Variants in EMC3 observed in about 807,000 individuals in gnomAD.
EMC3 encodes 30 kDa protein.
EMC3 carries 13 observed loss-of-function variants against 36.6 expected under a neutral mutation model. That is an observed-to-expected ratio of 0.35 (90% CI 0.23 to 0.56). The LOEUF is 0.56. Among genes scored for constraint, EMC3 ranks in the 20% least tolerant of loss-of-function variants. The pLI is 0.84. For missense variants in EMC3, 220 were observed against 324.5 expected, an observed-to-expected ratio of 0.68 and a Z score of 2.47; for synonymous variants, 120 against 111.9, an observed-to-expected ratio of 1.07 and a Z score of -0.46.
chr3:10,000,284 C>T lies in EMC3; in HGVS notation c.-242+10739G>A, dbSNP rs184412705. Among the ~76,000 whole-genome samples the T allele has an allele frequency of 3.6e-3, 542 of 152,260 alleles. 12 individuals are homozygous for T. The South Asian group carries it at 0.047, about 13-fold the overall frequency. On this transcript the variant is annotated intron_variant, in intron 1 of 8. Coordinates refer to the EMC3 transcript ENST00000470827. The stretch of plus-strand genomic sequence containing the variant: ...CGAACTCCTGAACTCAAGTGAACCA[C>T]CCGCCTCGGCCTCCCAAAGTGCTAG...
chr3:10,007,276 C>T (rs1575707849), intron 1 of EMC3: 8 of 1,246,094 alleles, frequency 6.4e-6, no homozygotes, highest in Non-Finnish European at 8.3e-6. Flanking sequence ...CTTCCCCACA[C>T]TCACACTACC....
intron 1 of EMC3, among the ~76,000 whole-genome samples, chr3:9,984,085 T>C (rs923556655): frequency 6.6e-6 from 1 of 152,088 alleles, no homozygotes; most frequent in Non-Finnish European, 1.5e-5. Context: ...ATACACTTTT[T>C]TTTTTTTTTT....
chr3:9,987,921 C>T (rs1269247177), upstream of EMC3: 11 of 1,028,038 alleles, frequency 1.1e-5, no homozygotes, highest in Middle Eastern at 2.1e-4. Flanking sequence ...CTCTGAGCTT[C>T]GGGAGAAGTT....
chr3:9,988,445 T>C (rs1057336419), upstream of EMC3: 32 of 1,359,526 alleles, frequency 2.4e-5, no homozygotes, highest in Non-Finnish European at 3.3e-5. Flanking sequence ...AGCTATTAGA[T>C]ATGAGAAAAC....
intron 1 of EMC3, among the ~76,000 whole-genome samples, chr3:9,984,748 G>C (rs2085951667): frequency 6.6e-6 from 1 of 152,130 alleles, no homozygotes; most frequent in Non-Finnish European, 1.5e-5. Context: ...GGTCAGTTCT[G>C]AAACTAATGC....
intron 1 of EMC3, among the ~76,000 whole-genome samples, chr3:9,998,159 G>T (rs2086150611): frequency 6.6e-6 from 1 of 151,886 alleles, no homozygotes; most frequent in Non-Finnish European, 1.5e-5. Context: ...GAGGTCAGGA[G>T]ATTGAGACCA....
intron 7 of EMC3, chr3:9,968,924 G>A (rs932134857): frequency 4.0e-5 from 6 of 151,550 alleles, no homozygotes; most frequent in African/African-American, 1.5e-4. Context: ...CTGAGTTCAA[G>A]CAATTCTGTC....
At position 9,996,048 on chromosome 3, in the gene EMC3, T is replaced by C. The variant is rs181130663; in HGVS notation, c.-241-9146A>G. Among the ~76,000 whole-genome samples the C allele has an allele frequency of 2.8e-3, 419 of 152,338 alleles. 2 individuals are homozygous for C. The highest frequency in any genetic ancestry group is 9.6e-3 in the African/African-American group (401 of 41,578). On this transcript the variant is annotated intron_variant, in intron 1 of 8. Transcript: ENST00000470827. Reference sequence around the variant, plus strand: ...GGGTAGAGATGGGTCTGTGGTCAGCTAACCATGAAACTGTTCAGGTTCTGA... The same window carrying C: ...GGGTAGAGATGGGTCTGTGGTCAGCCAACCATGAAACTGTTCAGGTTCTGA...
intron 1 of EMC3, among the ~76,000 whole-genome samples, chr3:10,005,700 G>A (rs2086255065): frequency 1.3e-5 from 2 of 152,132 alleles, no homozygotes; most frequent in Admixed American, 6.5e-5. Flanking sequence ...GATACCATAC[G>A]AAGAGCCACT....
intron 5 of EMC3, among the ~76,000 whole-genome samples, chr3:9,971,618 G>A (rs1026327569): frequency 6.6e-6 from 1 of 152,156 alleles, no homozygotes; most frequent in Admixed American, 6.5e-5. Flanking sequence ...ATGCCTCTCT[G>A]GATGCTGAGA....
rs1448350735 is a variant in EMC3, at chr3:9,963,450, G to GATATATATATATATATATAT, written c.*618_*619insATATATATATATATATATAT. The GATATATATATATATATATAT allele has an allele frequency of 1.3e-5, 1 of 77,650 alleles. No homozygotes were observed. Among genetic ancestry groups the GATATATATATATATATATAT allele is most frequent in the African/African-American group, 6.8e-5 (1 of 14,600 alleles). The allele number at this position is 77,650 out of a possible 1,614,324, so 4.8% of individuals were successfully genotyped here. A position where few individuals can be genotyped will look rare whatever the true frequency, so the allele number is the denominator to read the frequency against. ...CCTTCGAAGACTGGGCTTCTGCTAA[G>GATATATATATATATATATAT]ATAGATATATATATATATATATATA... On this transcript the variant is annotated 3_prime_UTR_variant, in exon 8 of 8. Transcript: ENST00000245046.
chr3:10,002,992 A>T (rs2086222848), intron 1 of EMC3: 1 of 455,920 alleles, frequency 2.2e-6, no homozygotes, highest in Non-Finnish European at 4.4e-6. Flanking sequence ...CTTCTTCTCC[A>T]CCCAGAGCAC....
intron 7 of EMC3, among the ~76,000 whole-genome samples, chr3:9,965,342 G>A (rs2085726321): frequency 6.6e-6 from 1 of 151,998 alleles, no homozygotes; most frequent in African/African-American, 2.4e-5. Flanking sequence ...GAATGCTTAA[G>A]TCCAGGAGTT....
intron 1 of EMC3, 75 bp from the exon 2 acceptor site, chr3:9,977,521 A>G: frequency 7.5e-7 from 1 of 1,333,884 alleles, no homozygotes; most frequent in Non-Finnish European, 1.1e-6. Flanking sequence ...CAAGTAGAAG[A>G]CCTATTTAAA....
chr3:9,997,643 C>T (rs982407750), intron 1 of EMC3, among the ~76,000 whole-genome samples: 8 of 151,722 alleles, frequency 5.3e-5, no homozygotes, highest in Non-Finnish European at 8.8e-5. Flanking sequence ...TATTTTTAGT[C>T]GAGTTGGGGT....
At chr3:9,983,235 C>T (rs377249038) in intron 1 of EMC3, among the ~76,000 whole-genome samples, 9 of 151,812 alleles carry the variant, frequency 5.9e-5, no homozygotes, top group African/African-American at 2.2e-4. Flanking sequence ...GTAACCTCTA[C>T]TCCTTAGGTT....
chr3:9,973,252 T>C (rs1197834693), intron 5 of EMC3, among the ~76,000 whole-genome samples: 106 of 139,976 alleles, frequency 7.6e-4, no homozygotes, highest in Middle Eastern at 9.3e-3. Context: ...TGGAGTGCAG[T>C]GGCGCAATCT....
intron 1 of EMC3, 31 bp from the exon 2 acceptor site, chr3:9,977,477 T>A: frequency 6.3e-7 from 1 of 1,599,326 alleles, no homozygotes; most frequent in Non-Finnish European, 8.5e-7. Context: ...AATGAGATTT[T>A]AAAAAGTGAA....
Position 9,977,462 on chromosome 3 carries a change from A to G in EMC3, c.156-16T>C. On this transcript the variant is annotated splice_polypyrimidine_tract_variant and intron_variant, in intron 1 of 7. Transcript: ENST00000245046. ...TAGGACTTGACTGAAAAATACAACC[A>G]ACACAATGAGATTTTAAAAAGTGAA... 6.2e-7 allele frequency: 1 copy of G among 1,608,260 alleles called. No homozygotes were observed. The highest frequency in any genetic ancestry group is 8.5e-7 in the Non-Finnish European group (1 of 1,178,178).
Sources: allele counts gnomAD v4.1 joint callset (sites outside exome capture counted in the v4.1 genomes callset), GRCh38; gene constraint gnomAD v4.1.1; transcripts MANE v1.5; gene names NCBI Gene and HGNC (gene_info 2026-07-23, HGNC 2026-07-21).